Variants in SNTG1 observed in about 807,000 individuals in gnomAD.
SNTG1 encodes gamma-1-syntrophin.
Under a neutral mutation model 74.7 loss-of-function variants are expected in SNTG1, and 39 were observed. The observed-to-expected ratio is 0.52, with a 90% CI of 0.40 to 0.68. The LOEUF is 0.68. Ranked by LOEUF, SNTG1 falls within the 30% of genes least tolerant of loss-of-function variation. The probability of loss-of-function intolerance (pLI) is 0.00; values close to 1 mark genes in which losing one functional copy is unlikely to be tolerated. For synonymous variants in SNTG1, 254 were observed against 217.1 expected (o/e 1.17, Z -1.49); for missense variants, 685 against 609.5 (o/e 1.12, Z -1.30).
intron 9 of SNTG1, among the ~76,000 whole-genome samples, chr8:50,520,967 G>A (rs2094174567): frequency 1.3e-5 from 2 of 152,102 alleles, no homozygotes; most frequent in Admixed American, 1.3e-4. Context: ...AAGGACATAT[G>A]CACACATATG....
At chr8:50,477,164 G>A (rs1289827069) in intron 8 of SNTG1, among the ~76,000 whole-genome samples, 1 of 151,938 alleles carries the variant, frequency 6.6e-6, no homozygotes, top group Non-Finnish European at 1.5e-5. Context: ...AGTATGACTT[G>A]CCACTTCTTA....
At chr8:50,568,546 T>C (rs2094529098) in intron 12 of SNTG1, among the ~76,000 whole-genome samples, 1 of 152,160 alleles carries the variant, frequency 6.6e-6, no homozygotes, top group Non-Finnish European at 1.5e-5. Flanking sequence ...GGTGAGATTA[T>C]ATCTCATTGT....
chr8:50,142,114 G>A (rs2081680504), intron 1 of SNTG1, among the ~76,000 whole-genome samples: 1 of 151,934 alleles, frequency 6.6e-6, no homozygotes, highest in Admixed American at 6.6e-5. Flanking sequence ...TTACCTAATT[G>A]TTTCTTATGG....
chr8:50,783,651 G>A (rs200620374), intron 18 of SNTG1, among the ~76,000 whole-genome samples: 8 of 152,282 alleles, frequency 5.3e-5, no homozygotes, highest in African/African-American at 7.2e-5. Context: ...TGCACTTCCC[G>A]AGTGAGGCAA....
At chr8:50,164,597 A>G (rs1161251694) in intron 1 of SNTG1, among the ~76,000 whole-genome samples, 4 of 152,212 alleles carry the variant, frequency 2.6e-5, no homozygotes, top group Non-Finnish European at 5.9e-5. Flanking sequence ...AACATATTAC[A>G]TGTCATAATA....
intron 2 of SNTG1, among the ~76,000 whole-genome samples, chr8:50,259,307 C>T (rs13270876): frequency 0.33 from 49,445 of 151,512 alleles, 8,552 homozygotes; most frequent in African/African-American, 0.45. Context: ...GAGACCAGCC[C>T]GGCCAACATG....
At chr8:50,506,029 A>G (rs529206945) in intron 9 of SNTG1, among the ~76,000 whole-genome samples, 1 of 152,178 alleles carries the variant, frequency 6.6e-6, no homozygotes, top group South Asian at 2.1e-4. Context: ...ATTTTTATAC[A>G]TAGTATAAGG....
chr8:50,232,974 T>G (rs2085705462), intron 2 of SNTG1, among the ~76,000 whole-genome samples: 1 of 151,590 alleles, frequency 6.6e-6, no homozygotes, highest in East Asian at 1.9e-4. Context: ...CTCAAAATAG[T>G]GAAGATGTCA....
At chr8:50,485,973 A>G (rs1353053787) in intron 8 of SNTG1, among the ~76,000 whole-genome samples, 1 of 151,180 alleles carries the variant, frequency 6.6e-6, no homozygotes, top group African/African-American at 2.4e-5. Context: ...CAAAGATCAG[A>G]TAGTTGTAGA....
At chr8:50,717,299 A>G (rs1373238695) in intron 17 of SNTG1, among the ~76,000 whole-genome samples, 1 of 152,140 alleles carries the variant, frequency 6.6e-6, no homozygotes, top group Non-Finnish European at 1.5e-5. Context: ...ATTAAGAATA[A>G]CTGACTTCAA....
In SNTG1 at chr8:50,671,156, C is replaced by A. The variant is rs1200341769; in HGVS notation, c.1038+12493C>A. Among the ~76,000 whole-genome samples the A allele has an allele frequency of 1.8e-4, 28 of 152,050 alleles. No homozygotes were observed. The South Asian group carries it at 5.6e-3, about 30-fold the overall frequency. ...GGGCAAGGACTTCATGTCTAAAAAACCAAAAGCAATGGCAACAAAAGCCAA... is the reference window on the plus strand; with the variant it reads ...GGGCAAGGACTTCATGTCTAAAAAAACAAAAGCAATGGCAACAAAAGCCAA... On this transcript the variant is annotated intron_variant, in intron 15 of 18. Transcript: ENST00000642720.
At chr8:50,673,877 T>A (rs1013508656) in intron 15 of SNTG1, among the ~76,000 whole-genome samples, 37 of 152,172 alleles carry the variant, frequency 2.4e-4, no homozygotes, top group African/African-American at 8.9e-4. Context: ...TTGAGAGTTT[T>A]TAACATGAAG....
chr8:49,935,095 A>G (rs1472020412), intron 1 of SNTG1, among the ~76,000 whole-genome samples: 4 of 151,988 alleles, frequency 2.6e-5, no homozygotes, highest in Admixed American at 2.6e-4. Context: ...GGTTAATAAA[A>G]CTGACCAAAC....
chr8:50,715,622 A>G (rs2095473210), intron 17 of SNTG1, among the ~76,000 whole-genome samples: 1 of 152,030 alleles, frequency 6.6e-6, no homozygotes, highest in Non-Finnish European at 1.5e-5. Flanking sequence ...TTTATGGTTT[A>G]TTTTCTCTTT....
chr8:50,703,388 G>A (rs1237313792), intron 15 of SNTG1, among the ~76,000 whole-genome samples: 1 of 151,964 alleles, frequency 6.6e-6, no homozygotes, highest in African/African-American at 2.4e-5. Context: ...CATATAGTCA[G>A]GATGAGTTCC....
At chr8:50,582,279 A>C (rs765319204) in intron 12 of SNTG1, among the ~76,000 whole-genome samples, 1 of 152,170 alleles carries the variant, frequency 6.6e-6, no homozygotes, top group Non-Finnish European at 1.5e-5. Flanking sequence ...TTCAACAAAT[A>C]TTAATTGAGC....
chr8:50,763,120 C>T (rs887400207), intron 18 of SNTG1, among the ~76,000 whole-genome samples: 1 of 151,942 alleles, frequency 6.6e-6, no homozygotes, highest in Non-Finnish European at 1.5e-5. Context: ...TCAGTGATTT[C>T]TGTTCCAACA....
intron 8 of SNTG1, among the ~76,000 whole-genome samples, chr8:50,454,087 T>C (rs1210387607): frequency 3.3e-5 from 5 of 152,170 alleles, no homozygotes; most frequent in Non-Finnish European, 5.9e-5. Context: ...TGATGTTAAT[T>C]AACACTGATG....
At chr8:50,013,546 C>T (rs1014308744) in intron 1 of SNTG1, among the ~76,000 whole-genome samples, 7 of 150,902 alleles carry the variant, frequency 4.6e-5, no homozygotes, top group South Asian at 2.1e-4. Flanking sequence ...TATATATATA[C>T]ATATATATGG....
Sources: gnomAD v4.1 joint callset for allele counts (sites outside exome capture counted in the v4.1 genomes callset) on GRCh38, gnomAD v4.1.1 for gene constraint, MANE v1.5 for transcripts, NCBI Gene and HGNC (gene_info 2026-07-23, HGNC 2026-07-21) for gene names.